The following CCSER1 variants were observed in gnomAD, a reference collection of about 807,000 sequenced individuals.
The protein encoded by CCSER1 is serine-rich coiled-coil domain-containing protein 1.
In CCSER1, 41 loss-of-function variants were observed where a neutral mutation model predicts 82.0. The observed-to-expected ratio is 0.50, with a 90% CI of 0.39 to 0.65. The LOEUF is 0.65. Ranked by LOEUF, CCSER1 falls within the 30% of genes least tolerant of loss-of-function variation. The pLI is 0.00. For synonymous variants in CCSER1, 414 were observed against 383.9 expected, an observed-to-expected ratio of 1.08 and a Z score of -0.92; for missense variants, 1,119 against 1,064.2, an observed-to-expected ratio of 1.05 and a Z score of -0.72.
At position 90,308,746 on chromosome 4, in the gene CCSER1, T is replaced by C. The variant is rs2153478624; in HGVS notation, c.462T>C (p.Ser154=). The C allele has an allele frequency of 6.2e-7, 1 of 1,613,810 alleles. No homozygotes were observed. The highest frequency in any genetic ancestry group is 8.5e-7 in the Non-Finnish European group (1 of 1,179,836). Residue 154 remains serine (S), a synonymous_variant, in exon 2 of 11, where the codon TCT becomes TCC. Transcript: ENST00000509176. ...ATGTCTTTATAAATTGTCTAAGTTCTGGCAAAAGTGAAGGGGATGATTCTG... is the reference window on the plus strand; with the variant it reads ...ATGTCTTTATAAATTGTCTAAGTTCCGGCAAAAGTGAAGGGGATGATTCTG... The part of the protein sequence containing the change: ...NKNVFINCLS[S]GKSEGDDSGF...
At position 90,308,409 on chromosome 4, in the gene CCSER1, A is replaced by G. The variant is rs1160508820; in HGVS notation, c.125A>G (p.His42Arg). 3.1e-6 allele frequency: 5 copies of G among 1,613,708 alleles called. No homozygotes were observed. The highest frequency in any genetic ancestry group is 4.2e-6 in the Non-Finnish European group (5 of 1,179,854). The change falls in exon 2 of 11, where the codon CAC becomes CGC. Residue 42 changes from histidine (H) to arginine (R), a missense_variant. By Grantham distance (29) the His-to-Arg change is conservative. Coordinates refer to ENST00000509176, the MANE Select transcript of CCSER1 (RefSeq NM_001145065.2). ...SPSSSNTVGV[H>R]SSSPSSTNSS... is the part of the protein sequence containing the mutation. ...TCTTCCAGTAATACAGTTGGTGTCC[A>G]CAGTTCCTCTCCTTCCAGCACTAAC...
intron 10 of CCSER1, among the ~76,000 whole-genome samples, chr4:91,407,913 G>C (rs1313832652): frequency 2.0e-5 from 3 of 152,176 alleles, no homozygotes; most frequent in Non-Finnish European, 4.4e-5. Flanking sequence ...CTTCTGTGGA[G>C]CTAGAGGGTT....
intron 10 of CCSER1, among the ~76,000 whole-genome samples, chr4:91,135,751 C>T (rs1359973685): frequency 6.6e-6 from 1 of 152,022 alleles, no homozygotes; most frequent in East Asian, 1.9e-4. Flanking sequence ...AAATGTTAAA[C>T]ATACATGGCT....
chr4:90,306,264 G>T (rs1238471431), intron 1 of CCSER1, among the ~76,000 whole-genome samples: 1 of 152,132 alleles, frequency 6.6e-6, no homozygotes, highest in Non-Finnish European at 1.5e-5. Context: ...ATAAGTTTTA[G>T]AGGTTGATTC....
chr4:91,155,275 A>C (rs1730701945), intron 10 of CCSER1, among the ~76,000 whole-genome samples: 1 of 151,778 alleles, frequency 6.6e-6, no homozygotes, highest in South Asian at 2.1e-4. Context: ...TGTGATACTG[A>C]ATGGTTTTAT....
At chr4:90,273,304 C>T (rs1022122794) in intron 1 of CCSER1, among the ~76,000 whole-genome samples, 16 of 151,764 alleles carry the variant, frequency 1.1e-4, no homozygotes, top group Admixed American at 3.3e-4. Flanking sequence ...ATTTGACAGG[C>T]TAACAGGGTC....
chr4:90,592,914 C>T (rs566945854), intron 5 of CCSER1, among the ~76,000 whole-genome samples: 1 of 152,132 alleles, frequency 6.6e-6, no homozygotes, highest in Non-Finnish European at 1.5e-5. Context: ...TCTTGTTAAA[C>T]TCTTCTATAA....
At chr4:91,128,826 A>G (rs1461576971) in intron 10 of CCSER1, among the ~76,000 whole-genome samples, 1 of 152,126 alleles carries the variant, frequency 6.6e-6, no homozygotes, top group Non-Finnish European at 1.5e-5. Context: ...GATGACTTAC[A>G]TTCTACGCCA....
At position 91,540,562 on chromosome 4, in the gene CCSER1, A is replaced by G. The variant is rs1012512737; in HGVS notation, c.2218-58010A>G. Among the ~76,000 whole-genome samples the G allele has an allele frequency of 3.0e-4, 45 of 152,110 alleles. 1 individual carries two copies. Among genetic ancestry groups the G allele is most frequent in the South Asian group, 8.3e-4 (4 of 4,836 alleles). On this transcript the variant is annotated intron_variant, in intron 10 of 10. Coordinates refer to ENST00000509176, the MANE Select transcript of CCSER1 (RefSeq NM_001145065.2). The stretch of plus-strand genomic sequence containing the variant: ...AAGCAAAAGTTTTTAATTTTAATGA[A>G]GACTAGTTTATCAATTATTTCTTTT...
At position 91,036,227 on chromosome 4, in the gene CCSER1, T is replaced by C. The variant is rs75606204; in HGVS notation, c.2173-49723T>C. The stretch of plus-strand genomic sequence containing the variant: ...AACCTTCCCTCATTGAAAAACATTG[T>C]TCATAACAAACTTACTTGGCATGAA... On this transcript the variant is annotated intron_variant, in intron 9 of 10. Transcript: ENST00000509176. 9.2e-3 allele frequency among the ~76,000 whole-genome samples: 1,403 copies of C among 152,304 alleles called. 19 individuals are homozygous for C. The highest frequency in any genetic ancestry group is 0.033 in the African/African-American group (1,352 of 41,558).
chr4:90,948,794 A>G (rs1660455078), intron 9 of CCSER1, among the ~76,000 whole-genome samples: 1 of 141,858 alleles, frequency 7.0e-6, no homozygotes, highest in Admixed American at 6.8e-5. Flanking sequence ...CATGATTCAC[A>G]TGAATTCACA....
At chr4:90,250,737 G>A (rs1722239379) in intron 1 of CCSER1, among the ~76,000 whole-genome samples, 1 of 151,982 alleles carries the variant, frequency 6.6e-6, no homozygotes, top group Non-Finnish European at 1.5e-5. Flanking sequence ...ATCAATTTCT[G>A]CAATTTTAAA....
At chr4:91,108,608 A>G (rs1725838484) in intron 10 of CCSER1, among the ~76,000 whole-genome samples, 1 of 152,318 alleles carries the variant, frequency 6.6e-6, no homozygotes, top group Admixed American at 6.5e-5. Context: ...AAAATTTAAC[A>G]TATTTGTTGA....
At chr4:90,737,489 A>G (rs1354921129) in intron 7 of CCSER1, among the ~76,000 whole-genome samples, 2 of 152,162 alleles carry the variant, frequency 1.3e-5, no homozygotes, top group East Asian at 3.9e-4. Context: ...TGCCATATGA[A>G]TAGGAGCTCC....
chr4:90,710,482 A>C (rs753651555), intron 6 of CCSER1, among the ~76,000 whole-genome samples: 5 of 152,100 alleles, frequency 3.3e-5, no homozygotes, highest in Admixed American at 1.3e-4. Flanking sequence ...GTAAGTCTTT[A>C]ATTCCTCTGG....
chr4:90,884,225 G>T (rs944974504), intron 8 of CCSER1, among the ~76,000 whole-genome samples: 3 of 152,050 alleles, frequency 2.0e-5, no homozygotes, highest in African/African-American at 4.8e-5. Context: ...GAACAAAAAA[G>T]ATTTTGCATG....
intron 10 of CCSER1, among the ~76,000 whole-genome samples, chr4:91,587,064 A>G (rs1217096116): frequency 6.6e-6 from 1 of 151,690 alleles, no homozygotes; most frequent in East Asian, 1.9e-4. Flanking sequence ...TTAGATTTTG[A>G]CACTCCTCAG....
intron 10 of CCSER1, among the ~76,000 whole-genome samples, chr4:91,280,877 A>C (rs1311095156): frequency 6.6e-6 from 1 of 152,064 alleles, no homozygotes; most frequent in Non-Finnish European, 1.5e-5. Context: ...GTTGCTTCCC[A>C]GGGAAGGATG....
chr4:90,910,912 A>G (rs555733782), intron 8 of CCSER1, among the ~76,000 whole-genome samples: 1 of 152,358 alleles, frequency 6.6e-6, no homozygotes, highest in East Asian at 1.9e-4. Flanking sequence ...AAGAATATGA[A>G]TGAAGGCTCA....
Sources: allele counts gnomAD v4.1 joint callset (sites outside exome capture counted in the v4.1 genomes callset), GRCh38; gene constraint gnomAD v4.1.1; transcripts MANE v1.5; gene names NCBI Gene and HGNC (gene_info 2026-07-23, HGNC 2026-07-21).